Variants in ZSCAN5A observed in about 807,000 individuals in gnomAD.
ZSCAN5A encodes the protein zinc finger and SCAN domain-containing protein 5A.
A neutral mutation model predicts 23.7 loss-of-function variants in ZSCAN5A; 12 were observed. The ratio of observed to expected loss-of-function variants is 0.51; its 90% confidence interval spans 0.32 to 0.82. ZSCAN5A has a LOEUF of 0.82. Ranked by LOEUF, ZSCAN5A falls within the 40% of genes least tolerant of loss-of-function variation. ZSCAN5A has a pLI of 0.03. For missense variants in ZSCAN5A, 597 were observed against 617.9 expected, an observed-to-expected ratio of 0.97 and a Z score of 0.36; for synonymous variants, 257 against 239.9, an observed-to-expected ratio of 1.07 and a Z score of -0.66.
intron 2 of ZSCAN5A, chr19:56,244,341 T>C: frequency 6.2e-7 from 1 of 1,603,664 alleles, no homozygotes; most frequent in South Asian, 1.1e-5. Flanking sequence ...CCCCAGGAGC[T>C]CCAGGTCTTA....
intron 2 of ZSCAN5A, among the ~76,000 whole-genome samples, chr19:56,332,011 A>G (rs905486543): frequency 4.6e-5 from 7 of 151,846 alleles, no homozygotes; most frequent in Non-Finnish European, 7.4e-5. Context: ...ATTGATTTCT[A>G]TTTTTATTGC....
At chr19:56,291,845 C>CATGTA (rs2039529573) in intron 2 of ZSCAN5A, among the ~76,000 whole-genome samples, 1 of 152,132 alleles carries the variant, frequency 6.6e-6, no homozygotes, top group South Asian at 2.1e-4. Context: ...ATCAGGCATT[C>CATGTA]ATGTAATGCC....
chr19:56,332,539 A>C (rs2041499122), intron 2 of ZSCAN5A, among the ~76,000 whole-genome samples: 1 of 152,108 alleles, frequency 6.6e-6, no homozygotes, highest in Admixed American at 6.6e-5. Flanking sequence ...TTTGAGCCGT[A>C]TGGGTGTTGT....
intron 2 of ZSCAN5A, among the ~76,000 whole-genome samples, chr19:56,250,693 CTAAG>C (rs1226566004): frequency 6.6e-6 from 1 of 152,186 alleles, no homozygotes. Flanking sequence ...GAATGCTACA[CTAAG>C]TGTTTTATTT....
chr19:56,251,144 C>T (rs1231593827), intron 2 of ZSCAN5A, among the ~76,000 whole-genome samples: 16 of 124,290 alleles, frequency 1.3e-4, no homozygotes, highest in Non-Finnish European at 2.3e-4. Flanking sequence ...AGCTAGACTC[C>T]GTGTAAAAAA....
intron 2 of ZSCAN5A, among the ~76,000 whole-genome samples, chr19:56,305,631 C>T (rs1193415397): frequency 2.0e-5 from 3 of 152,112 alleles, no homozygotes; most frequent in East Asian, 1.9e-4. Context: ...GTGTTTATAA[C>T]GACCCACTGA....
chr19:56,308,253 C>T (rs1189795485), intron 2 of ZSCAN5A, among the ~76,000 whole-genome samples: 2 of 151,942 alleles, frequency 1.3e-5, no homozygotes, highest in Non-Finnish European at 2.9e-5. Flanking sequence ...AGGATGGTCT[C>T]GATCTCTTGA....
At chr19:56,319,804 A>T (rs2041356160), upstream of ZSCAN5A, 1 of 776,554 alleles carries the variant, frequency 1.3e-6, no homozygotes, top group Admixed American at 1.7e-5. Flanking sequence ...GGTCCACTGG[A>T]ATTGGGACTC....
At chr19:56,254,055 G>C (rs2036535654) in intron 2 of ZSCAN5A, among the ~76,000 whole-genome samples, 1 of 130,898 alleles carries the variant, frequency 7.6e-6, no homozygotes, top group Admixed American at 8.1e-5. Flanking sequence ...CAGTGAATGA[G>C]CATCTTTTTT....
chr19:56,274,262 T>G (rs2038078238), intron 2 of ZSCAN5A, among the ~76,000 whole-genome samples: 1 of 152,130 alleles, frequency 6.6e-6, no homozygotes, highest in African/African-American at 2.4e-5. Context: ...AAGACCAGCC[T>G]GGCCAACATG....
At chr19:56,323,385 G>A (rs2147426513) in intron 2 of ZSCAN5A, among the ~76,000 whole-genome samples, 1 of 151,738 alleles carries the variant, frequency 6.6e-6, no homozygotes, top group East Asian at 1.9e-4. Context: ...TGTTGCCCAG[G>A]CTGATCTCAA....
chr19:56,362,674 C>T (rs1415097291), intron 2 of ZSCAN5A, among the ~76,000 whole-genome samples: 2 of 152,174 alleles, frequency 1.3e-5, no homozygotes, highest in South Asian at 2.1e-4. Flanking sequence ...TTAAGACCAT[C>T]CTGGCTAACA....
chr19:56,319,584 A>C (rs765376645), upstream of ZSCAN5A, among the ~76,000 whole-genome samples: 4 of 151,924 alleles, frequency 2.6e-5, no homozygotes, highest in Non-Finnish European at 5.9e-5. Flanking sequence ...TCATTTCCAA[A>C]CGAGTCTCTG....
chr19:56,246,391 G>C (rs750865107), intron 2 of ZSCAN5A: 5 of 559,052 alleles, frequency 8.9e-6, no homozygotes, highest in Non-Finnish European at 1.6e-5. Context: ...GCCAACCTTG[G>C]AGAAGGATCT....
At chr19:56,260,789 A>G (rs550429343) in intron 2 of ZSCAN5A, among the ~76,000 whole-genome samples, 8 of 152,340 alleles carry the variant, frequency 5.3e-5, no homozygotes, top group African/African-American at 1.9e-4. Context: ...AAGCTTGGGA[A>G]GCCCTGAGCT....
chr19:56,337,541 G>A (rs2041551487), intron 2 of ZSCAN5A, among the ~76,000 whole-genome samples: 1 of 152,168 alleles, frequency 6.6e-6, no homozygotes, highest in South Asian at 2.1e-4. Flanking sequence ...CAGGTGAGGC[G>A]ATGCCTCGCC....
intron 1 of ZSCAN5A, chr19:56,367,380 T>G (rs1399636010): frequency 6.6e-6 from 1 of 151,972 alleles, no homozygotes; most frequent in Admixed American, 6.6e-5. Flanking sequence ...ACAAAAAAAA[T>G]TAAAATTAAA....
intron 2 of ZSCAN5A, chr19:56,245,111 G>C: frequency 3.2e-6 from 1 of 316,892 alleles, no homozygotes; most frequent in East Asian, 6.9e-5. Context: ...GCATTGGGAA[G>C]GCAGATTTGA....
Position 56,224,738 on chromosome 19 carries a change from T to A in ZSCAN5A, c.309A>T (p.Leu103Phe), listed in dbSNP as rs781100410. The A allele has an allele frequency of 1.4e-5, 23 of 1,598,406 alleles. No individual in the cohort carries two copies. In the African/African-American group the frequency reaches 2.6e-4, roughly 18 times the overall value. The change falls in exon 3 of 6, where the codon TTA becomes TTT. Residue 103 changes from leucine to phenylalanine, a missense_variant. Leu to Phe is a conservative substitution (Grantham distance 22). Around this residue, in one of 5 missense-constraint regions of ZSCAN5A, gnomAD observed 27 missense variants for 93.5 expected, o/e 0.29. Transcript: ENST00000683990. ...AGCTCTGCACACCGTTCATCATGAC[T>A]AAGACCTGGAGCTCCTGGGGCATGG... ...MISMPQELQV[L>F]VMMNGVQSCK...
Sources: gnomAD v4.1 joint callset for allele counts (sites outside exome capture counted in the v4.1 genomes callset) on GRCh38, gnomAD v4.1.1 for gene constraint, gnomAD v4.1.1 regional missense constraint, MANE v1.5 for transcripts, NCBI Gene and HGNC (gene_info 2026-07-23, HGNC 2026-07-21) for gene names.